The following PLEKHA1 variants were observed in gnomAD, a reference collection of about 807,000 sequenced individuals.
PLEKHA1 encodes pleckstrin homology domain containing A1.
Under a neutral mutation model 52.0 loss-of-function variants are expected in PLEKHA1, and 34 were observed. That is an observed-to-expected ratio of 0.65 (90% confidence interval 0.50 to 0.87). The LOEUF (loss-of-function observed/expected upper bound fraction) is 0.87. Ranked by LOEUF, PLEKHA1 falls within the 40% of genes least tolerant of loss-of-function variation. The pLI, the probability that PLEKHA1 is intolerant of heterozygous loss-of-function variation, is 0.00. For synonymous variants in PLEKHA1, 163 were observed against 170.7 expected, an observed-to-expected ratio of 0.95 and a Z score of 0.35; for missense variants, 497 against 504.2, an observed-to-expected ratio of 0.99 and a Z score of 0.14.
At chr10:122,400,013 T>C (rs1266350597) in intron 3 of PLEKHA1, among the ~76,000 whole-genome samples, 2 of 152,226 alleles carry the variant, frequency 1.3e-5, no homozygotes, top group Non-Finnish European at 2.9e-5. Context: ...TCATTGAGGA[T>C]ATTTTGAAAA....
intron 1 of PLEKHA1, among the ~76,000 whole-genome samples, chr10:122,382,410 A>G (rs2096627181): frequency 6.6e-6 from 1 of 152,158 alleles, no homozygotes. Flanking sequence ...ATCCATTAGT[A>G]CCTAGCTTCT....
At chr10:122,426,877 A>G in intron 10 of PLEKHA1, 65 bp from the exon 11 acceptor site, 2 of 1,305,900 alleles carry the variant, frequency 1.5e-6, no homozygotes, top group Non-Finnish European at 2.2e-6. Flanking sequence ...AAATAAATAC[A>G]TTGGCTGTAT....
intron 5 of PLEKHA1, among the ~76,000 whole-genome samples, chr10:122,409,886 T>C (rs2097083551): frequency 6.6e-6 from 1 of 152,026 alleles, no homozygotes; most frequent in Admixed American, 6.6e-5. Context: ...GTTCAAGTGA[T>C]TCTTGAGCCC....
chr10:122,396,327 T>G (rs906524571), intron 2 of PLEKHA1, among the ~76,000 whole-genome samples: 6 of 152,122 alleles, frequency 3.9e-5, no homozygotes, highest in Non-Finnish European at 8.8e-5. Flanking sequence ...TTTACATTTC[T>G]TTTCCTTCTT....
chr10:122,394,716 G>A (rs2096827460), intron 2 of PLEKHA1, among the ~76,000 whole-genome samples: 1 of 151,950 alleles, frequency 6.6e-6, no homozygotes, highest in Admixed American at 6.5e-5. Context: ...GAGTTGTAAG[G>A]GACCTCTCCT....
At chr10:122,409,236 A>G (rs1210862927) in intron 5 of PLEKHA1, among the ~76,000 whole-genome samples, 1 of 152,174 alleles carries the variant, frequency 6.6e-6, no homozygotes, top group Non-Finnish European at 1.5e-5. Flanking sequence ...CAAGTTGAAA[A>G]TCCATTTAAT....
At chr10:122,421,111 A>G (rs1190305803) in intron 8 of PLEKHA1, 2 of 150,832 alleles carry the variant, frequency 1.3e-5, no homozygotes, top group African/African-American at 4.9e-5. Flanking sequence ...GAAAAGAATA[A>G]CATTACAGTG....
At chr10:122,383,671 C>T (rs193123209) in intron 1 of PLEKHA1, among the ~76,000 whole-genome samples, 47 of 152,140 alleles carry the variant, frequency 3.1e-4, no homozygotes, top group African/African-American at 1.1e-3. Flanking sequence ...GAAAAGGACT[C>T]CTCCTTTTTT....
At chr10:122,379,797 G>T (rs1214128344) in intron 1 of PLEKHA1, among the ~76,000 whole-genome samples, 1 of 152,090 alleles carries the variant, frequency 6.6e-6, no homozygotes, top group East Asian at 1.9e-4. Context: ...AAGTCTTGTG[G>T]GCCTGTTGAG....
At chr10:122,416,060 C>T (rs916841016) in intron 7 of PLEKHA1, 58 bp downstream of exon 7, 1 of 1,493,802 alleles carries the variant, frequency 6.7e-7, no homozygotes, top group African/African-American at 1.4e-5. Context: ...CTAGCAAACT[C>T]AAATTAACAT....
At chr10:122,400,523 T>C in intron 4 of PLEKHA1, 135 bp downstream of exon 4, 1 of 719,196 alleles carries the variant, frequency 1.4e-6, no homozygotes. Context: ...TTGTAACTGC[T>C]ATACAGATAA....
chr10:122,414,099 C>G (rs2097142466), intron 6 of PLEKHA1, among the ~76,000 whole-genome samples: 1 of 152,006 alleles, frequency 6.6e-6, no homozygotes, highest in African/African-American at 2.4e-5. Flanking sequence ...AAAAAATAAG[C>G]TAGGATTGTG....
chr10:122,396,730 T>C (rs2096854184), intron 2 of PLEKHA1, among the ~76,000 whole-genome samples: 1 of 152,074 alleles, frequency 6.6e-6, no homozygotes, highest in African/African-American at 2.4e-5. Context: ...GCAGAAATAA[T>C]TTTCAAAATC....
In PLEKHA1 at chr10:122,430,648, A is replaced by G. The variant is rs565694001; in HGVS notation, c.*710A>G. 6.6e-6 allele frequency: 1 copy of G among 152,388 alleles called. No homozygotes were observed. The highest frequency in any genetic ancestry group is 6.5e-5 in the Admixed American group (1 of 15,304). 9.4% of individuals were successfully genotyped at this position (152,388 alleles called of 1,614,324 possible). ...TGGAGCAGTCACTGCTTTATTCCGC[A>G]AAAATTATTTGGTAGGAAATTTTTG... is the stretch of plus-strand genomic sequence containing the variant. On this transcript the variant is annotated 3_prime_UTR_variant, in exon 12 of 12. Transcript: ENST00000368990.
At chr10:122,410,404 G>T (rs2097091377) in intron 5 of PLEKHA1, among the ~76,000 whole-genome samples, 1 of 152,124 alleles carries the variant, frequency 6.6e-6, no homozygotes, top group African/African-American at 2.4e-5. Context: ...TGTGCCAACT[G>T]CCCAGTGAGA....
At chr10:122,428,301 A>G in intron 11 of PLEKHA1, 2 of 1,544,448 alleles carry the variant, frequency 1.3e-6, no homozygotes, top group Non-Finnish European at 1.7e-6. Context: ...AGGCTGTCGA[A>G]CCCTTGTATA....
the PLEKHA1 span, chr10:122,438,718 G>C: frequency 6.6e-6 from 1 of 152,170 alleles, no homozygotes; most frequent in Non-Finnish European, 1.5e-5. Flanking sequence ...ACTGATAACT[G>C]TAGTCATTTT....
At chr10:122,420,373 CT>C (rs896223249) in intron 8 of PLEKHA1, 1 of 152,018 alleles carries the variant, frequency 6.6e-6, no homozygotes, top group African/African-American at 2.4e-5. Flanking sequence ...TAAACATACC[CT>C]TTTAGTAGAT....
intron 1 of PLEKHA1, among the ~76,000 whole-genome samples, chr10:122,389,857 A>G (rs1221999447): frequency 2.0e-5 from 3 of 151,858 alleles, no homozygotes; most frequent in African/African-American, 7.3e-5. Flanking sequence ...GTGAGCAGTG[A>G]CTTCAACTTA....
Sources: gnomAD v4.1 joint callset for allele counts (sites outside exome capture counted in the v4.1 genomes callset) on GRCh38, gnomAD v4.1.1 for gene constraint, MANE v1.5 for transcripts, NCBI Gene and HGNC (gene_info 2026-07-23, HGNC 2026-07-21) for gene names.